The following QTMAN variants were observed in gnomAD, a reference collection of about 807,000 sequenced individuals.
QTMAN encodes the protein queuosine-tRNA mannosyltransferase, also known as tRNA-queuosine alpha-mannosyltransferase.
chr2:144,313,350 A>G, the QTMAN span, among the ~76,000 whole-genome samples: 4 of 152,224 alleles, frequency 2.6e-5, no homozygotes, highest in Non-Finnish European at 5.9e-5. Context: ...TTGGAGCTTT[A>G]GCAAAAATAC....
the QTMAN span, among the ~76,000 whole-genome samples, chr2:144,019,800 A>G: frequency 3.9e-5 from 6 of 152,150 alleles, no homozygotes; most frequent in African/African-American, 1.4e-4. Context: ...AGAACCTTTC[A>G]CCTATTTGGC....
At chr2:144,217,540 C>T in the QTMAN span, among the ~76,000 whole-genome samples, 1 of 152,056 alleles carries the variant, frequency 6.6e-6, no homozygotes, top group Non-Finnish European at 1.5e-5. Context: ...TGCCTCCTCA[C>T]TTGTAAAACC....
At chr2:144,111,638 G>C in the QTMAN span, among the ~76,000 whole-genome samples, 3 of 152,170 alleles carry the variant, frequency 2.0e-5, no homozygotes, top group Non-Finnish European at 4.4e-5. Context: ...ATCTCCGGAA[G>C]CTGGTGATTC....
the QTMAN span, among the ~76,000 whole-genome samples, chr2:144,323,961 C>T: frequency 6.6e-6 from 1 of 152,178 alleles, no homozygotes; most frequent in East Asian, 1.9e-4. Context: ...CATAACCAAG[C>T]ATTTTGCATA....
chr2:144,071,673 C>T, the QTMAN span, among the ~76,000 whole-genome samples: 2 of 152,060 alleles, frequency 1.3e-5, no homozygotes, highest in Non-Finnish European at 2.9e-5. Flanking sequence ...GGCCATCTAG[C>T]GGAGATGAAA....
the QTMAN span, among the ~76,000 whole-genome samples, chr2:144,180,617 AG>A: frequency 6.6e-6 from 1 of 152,192 alleles, no homozygotes; most frequent in Admixed American, 6.5e-5. Flanking sequence ...AATAATTTTA[AG>A]TTTGATCAAG....
At chr2:144,330,774 T>G in the QTMAN span, among the ~76,000 whole-genome samples, 12 of 152,346 alleles carry the variant, frequency 7.9e-5, no homozygotes, top group Non-Finnish European at 1.2e-4. Context: ...TAGTTAAGTG[T>G]TTAGTTAATG....
At chr2:144,167,742 TC>T in the QTMAN span, among the ~76,000 whole-genome samples, 1,082 of 152,256 alleles carry the variant, frequency 7.1e-3, 17 homozygotes, top group African/African-American at 0.025. Context: ...TATACTGCTT[TC>T]CCTTCTAAAT....
At chr2:144,097,628 A>AC in the QTMAN span, among the ~76,000 whole-genome samples, 1 of 152,132 alleles carries the variant, frequency 6.6e-6, no homozygotes, top group Non-Finnish European at 1.5e-5. Flanking sequence ...CTGCAATAAT[A>AC]TAGGTGCTGA....
chr2:144,029,097 C>G, the QTMAN span, among the ~76,000 whole-genome samples: 2 of 152,116 alleles, frequency 1.3e-5, no homozygotes, highest in Non-Finnish European at 2.9e-5. Context: ...TTTCACTTAT[C>G]AAATGAGAAC....
chr2:144,132,841 C>T, the QTMAN span, among the ~76,000 whole-genome samples: 2 of 151,334 alleles, frequency 1.3e-5, no homozygotes, highest in Admixed American at 1.3e-4. Context: ...CTAAAATCTG[C>T]CAAAAAGTTG....
At chr2:144,100,862 T>C in the QTMAN span, among the ~76,000 whole-genome samples, 3 of 103,418 alleles carry the variant, frequency 2.9e-5, no homozygotes, top group African/African-American at 1.8e-4. Context: ...TTTCTTTCTT[T>C]TTTTTTTTTT....
At chr2:144,059,267 T>A in the QTMAN span, among the ~76,000 whole-genome samples, 471 of 152,308 alleles carry the variant, frequency 3.1e-3, 4 homozygotes, top group African/African-American at 0.011. Context: ...AGTCCCCTTC[T>A]CCATACAGTC....
At chr2:144,275,064 T>A in the QTMAN span, among the ~76,000 whole-genome samples, 1 of 152,312 alleles carries the variant, frequency 6.6e-6, no homozygotes, top group East Asian at 1.9e-4. Context: ...AAAAAAAGTT[T>A]GTTTTTTCCT....
At chr2:144,046,765 C>T in the QTMAN span, among the ~76,000 whole-genome samples, 1 of 152,128 alleles carries the variant, frequency 6.6e-6, no homozygotes, top group Non-Finnish European at 1.5e-5. Flanking sequence ...ACATTTCTAA[C>T]AAAATATTCT....
the QTMAN span, among the ~76,000 whole-genome samples, chr2:144,070,530 T>C: frequency 6.6e-6 from 1 of 151,880 alleles, no homozygotes; most frequent in African/African-American, 2.4e-5. Context: ...CAATACAACA[T>C]AAAATGAAAT....
chr2:144,221,582 A>G, the QTMAN span, among the ~76,000 whole-genome samples: 1 of 152,168 alleles, frequency 6.6e-6, no homozygotes, highest in African/African-American at 2.4e-5. Flanking sequence ...GCTTCATTTT[A>G]TTCTTCAAGT....
chr2:144,011,218 T>C, the QTMAN span, among the ~76,000 whole-genome samples: 3 of 152,202 alleles, frequency 2.0e-5, no homozygotes, highest in East Asian at 5.8e-4. Context: ...ATACACTCTG[T>C]GGTAAGAATG....
the QTMAN span, among the ~76,000 whole-genome samples, chr2:143,990,469 T>C: frequency 6.9e-4 from 105 of 152,220 alleles, no homozygotes; most frequent in Admixed American, 1.9e-3. Context: ...TATTAAGTAG[T>C]TTAAGTTTGC....
Sources: gnomAD v4.1 joint callset for allele counts (sites outside exome capture counted in the v4.1 genomes callset) on GRCh38, gnomAD v4.1.1 for gene constraint, MANE v1.5 for transcripts, NCBI Gene and HGNC (gene_info 2026-07-23, HGNC 2026-07-21) for gene names.